The following LYZL1 variants were observed in gnomAD, a reference collection of about 807,000 sequenced individuals.
LYZL1 encodes lysozyme like 1, also known as lysozyme-like protein 1.
LYZL1 carries 16 observed loss-of-function variants against 17.9 expected under a neutral mutation model. The observed-to-expected ratio is 0.90, with a 90% CI of 0.61 to 1.36. The LOEUF (loss-of-function observed/expected upper bound fraction) is 1.36, where lower values mean the gene tolerates loss of function less well. LYZL1 is among the 40% of genes most tolerant of loss of function. The probability of loss-of-function intolerance (pLI) is 0.00; values close to 1 mark genes in which losing one functional copy is unlikely to be tolerated. For synonymous variants in LYZL1, 58 were observed against 71.8 expected (o/e 0.81, Z 0.97); for missense variants, 149 against 188.4 (o/e 0.79, Z 1.22).
At chr10:29,294,057 A>C (rs960281055) in intron 3 of LYZL1, among the ~76,000 whole-genome samples, 1 of 152,032 alleles carries the variant, frequency 6.6e-6, no homozygotes, top group African/African-American at 2.4e-5. Flanking sequence ...GAAGATAGGG[A>C]AGATTTGGGT....
chr10:29,294,952 C>A lies in LYZL1; in HGVS notation c.298+2275C>A, dbSNP rs556280263. Among the ~76,000 whole-genome samples the A allele has an allele frequency of 2.0e-5, 3 of 152,284 alleles. No homozygotes were observed. In the East Asian group the frequency reaches 5.8e-4, roughly 29 times the overall value. ...ATACTGTAATAAAAATATGTAAGCACCTTCTCTCTGACTCTCAAAATATGT... is the reference window on the plus strand; with the variant it reads ...ATACTGTAATAAAAATATGTAAGCAACTTCTCTCTGACTCTCAAAATATGT... On this transcript the variant is annotated intron_variant, in intron 3 of 4. Transcript: ENST00000649382.
intron 1 of LYZL1, among the ~76,000 whole-genome samples, chr10:29,289,450 A>G (rs1244558723): frequency 7.8e-6 from 1 of 128,990 alleles, no homozygotes; most frequent in East Asian, 2.1e-4. Flanking sequence ...AGGGTCTCTC[A>G]CTCTGCTGCC....
intron 3 of LYZL1, among the ~76,000 whole-genome samples, chr10:29,303,273 C>G (rs1423055442): frequency 6.6e-6 from 1 of 152,152 alleles, no homozygotes; most frequent in Middle Eastern, 3.2e-3. Flanking sequence ...TCTGTCTCCT[C>G]CTCTTAGATG....
chr10:29,294,227 G>A (rs943956017), intron 3 of LYZL1, among the ~76,000 whole-genome samples: 8 of 152,098 alleles, frequency 5.3e-5, no homozygotes, highest in Non-Finnish European at 1.2e-4. Context: ...AGAGGCTAAC[G>A]ACCATCTGAG....
downstream of LYZL1, among the ~76,000 whole-genome samples, chr10:29,311,571 A>G (rs1296009302): frequency 6.6e-6 from 1 of 152,242 alleles, no homozygotes; most frequent in Non-Finnish European, 1.5e-5. Flanking sequence ...GCAGAGAGAT[A>G]GGGCAACTGA....
downstream of LYZL1, among the ~76,000 whole-genome samples, chr10:29,315,705 C>T (rs188301799): frequency 3.1e-4 from 47 of 151,660 alleles, no homozygotes; most frequent in Admixed American, 1.4e-3. Flanking sequence ...ACAGATTAGC[C>T]GGGTGTGGTG....
chr10:29,290,966 A>G (rs1490471234), intron 1 of LYZL1, among the ~76,000 whole-genome samples: 1 of 152,208 alleles, frequency 6.6e-6, no homozygotes, highest in Non-Finnish European at 1.5e-5. Context: ...CCCCCAAACA[A>G]TAACCCTTAA....
chr10:29,308,184 T>C (rs1835622003), intron 3 of LYZL1, among the ~76,000 whole-genome samples: 1 of 152,188 alleles, frequency 6.6e-6, no homozygotes, highest in Non-Finnish European at 1.5e-5. Flanking sequence ...TGCAGTTGTG[T>C]GATGAGCAGA....
chr10:29,315,483 C>T (rs1000261857), downstream of LYZL1, among the ~76,000 whole-genome samples: 5 of 151,906 alleles, frequency 3.3e-5, no homozygotes, highest in Non-Finnish European at 5.9e-5. Flanking sequence ...TGCACTCCAG[C>T]CTGGGCAGCA....
At position 29,310,110 on chromosome 10, in the gene LYZL1, C is replaced by A. The variant is rs578083639; in HGVS notation, c.299C>A (p.Ala100Asp). ...ENNHCHVACS[A>D]LITDDLTDAI... Reference sequence around the variant, plus strand: ...CCCTGATGTCTTCTCTCTTTTACAGCCTTGATCACTGATGACCTCACAGAT... The same window carrying A: ...CCCTGATGTCTTCTCTCTTTTACAGACTTGATCACTGATGACCTCACAGAT... The change falls in exon 4 of 5, where the codon GCC (alanine) becomes GAC (aspartate). Residue 100 changes from alanine to aspartate, a missense_variant and splice_region_variant. Around this residue, in one of 2 missense-constraint regions of LYZL1, gnomAD observed 130 missense variants for 132.5 expected, o/e 0.98. Coordinates refer to ENST00000649382, the MANE Select transcript of LYZL1 (RefSeq NM_032517.6). 2 of 1,609,060 alleles carry A rather than the reference C, an allele frequency of 1.2e-6. No individual in the cohort carries two copies. Among genetic ancestry groups the A allele is most frequent in the African/African-American group, 1.3e-5 (1 of 74,922 alleles).
At chr10:29,302,526 T>C (rs935568612) in intron 3 of LYZL1, among the ~76,000 whole-genome samples, 1 of 152,238 alleles carries the variant, frequency 6.6e-6, no homozygotes, top group African/African-American at 2.4e-5. Context: ...ATTTGCGCAG[T>C]AGCTGTACAT....
At chr10:29,312,127 C>A (rs574965594), downstream of LYZL1, among the ~76,000 whole-genome samples, 1 of 152,164 alleles carries the variant, frequency 6.6e-6, no homozygotes, top group Non-Finnish European at 1.5e-5. Flanking sequence ...TAGCAAGACC[C>A]TGTCTCTACA....
chr10:29,300,105 A>G (rs1282705855), intron 3 of LYZL1, among the ~76,000 whole-genome samples: 1 of 152,150 alleles, frequency 6.6e-6, no homozygotes, highest in African/African-American at 2.4e-5. Context: ...TGTGGGACAT[A>G]CATCGTGGAA....
At chr10:29,304,855 T>C (rs1036822037) in intron 3 of LYZL1, among the ~76,000 whole-genome samples, 5 of 152,156 alleles carry the variant, frequency 3.3e-5, no homozygotes, top group African/African-American at 1.2e-4. Flanking sequence ...CAAGTCCAAC[T>C]TTCAAAACAT....
chr10:29,304,320 A>G (rs1489546004), intron 3 of LYZL1, among the ~76,000 whole-genome samples: 3 of 152,186 alleles, frequency 2.0e-5, no homozygotes, highest in Admixed American at 2.0e-4. Flanking sequence ...AAAAATGATT[A>G]TTGACTCTCT....
chr10:29,308,989 T>TA (rs1192983774), intron 3 of LYZL1, among the ~76,000 whole-genome samples: 5 of 148,596 alleles, frequency 3.4e-5, no homozygotes, highest in Non-Finnish European at 7.5e-5. Flanking sequence ...GTAATAAAGA[T>TA]AGAGATAGAC....
chr10:29,304,805 C>G (rs1297477912), intron 3 of LYZL1, among the ~76,000 whole-genome samples: 2 of 152,292 alleles, frequency 1.3e-5, no homozygotes, highest in East Asian at 3.9e-4. Flanking sequence ...GATTTCCCAG[C>G]CCCTACTTTC....
At chr10:29,289,809 G>A (rs1164075042) in intron 1 of LYZL1, among the ~76,000 whole-genome samples, 4 of 152,090 alleles carry the variant, frequency 2.6e-5, no homozygotes, top group African/African-American at 2.4e-5. Context: ...TCTGAAAAGG[G>A]CCAGATAATA....
At chr10:29,316,837 CT>C (rs1247437804) in intron 3 of LYZL1, among the ~76,000 whole-genome samples, 1 of 152,030 alleles carries the variant, frequency 6.6e-6, no homozygotes, top group Non-Finnish European at 1.5e-5. Flanking sequence ...CCTCCTCAGC[CT>C]CCCACGTAGC....
Sources: allele counts gnomAD v4.1 joint callset (sites outside exome capture counted in the v4.1 genomes callset), GRCh38; gene constraint gnomAD v4.1.1; regional missense constraint gnomAD v4.1.1; transcripts MANE v1.5; gene names NCBI Gene and HGNC (gene_info 2026-07-23, HGNC 2026-07-21).